VGLL4: variants seen among roughly 807,000 people sequenced by gnomAD.
VGLL4 encodes vestigial like family member 4, also known as transcription cofactor vestigial-like protein 4.
VGLL4 carries 7 observed loss-of-function variants against 21.0 expected under a neutral mutation model. The observed-to-expected ratio is 0.33, with a 90% CI of 0.19 to 0.63. VGLL4 has a LOEUF of 0.63. Ranked by LOEUF, VGLL4 falls within the 20% of genes least tolerant of loss-of-function variation. The pLI, the probability that VGLL4 is intolerant of heterozygous loss-of-function variation, is 0.78. For missense variants in VGLL4, 394 were observed against 425.7 expected (o/e 0.93, Z 0.66); for synonymous variants, 222 against 173.2 (o/e 1.28, Z -2.21).
chr3:11,624,038 G>A (rs1023804598), intron 1 of VGLL4, among the ~76,000 whole-genome samples: 1 of 152,010 alleles, frequency 6.6e-6, no homozygotes, highest in African/African-American at 2.4e-5. Flanking sequence ...CACAGCACCG[G>A]GGCAAATTTT....
At chr3:11,581,476 C>G (rs1480835714) in intron 2 of VGLL4, among the ~76,000 whole-genome samples, 1 of 152,190 alleles carries the variant, frequency 6.6e-6, no homozygotes, top group East Asian at 1.9e-4. Context: ...ACCCGGCCCT[C>G]AAGCAGTCAC....
intron 1 of VGLL4, among the ~76,000 whole-genome samples, chr3:11,628,815 GT>G (rs771711624): frequency 1.1e-4 from 16 of 152,270 alleles, no homozygotes; most frequent in Middle Eastern, 3.4e-3. Flanking sequence ...GCGAGACTCT[GT>G]CTCAAACAAA....
At position 11,643,743 on chromosome 3, in the gene VGLL4, A is replaced by T; in HGVS notation, c.-225T>A. The T allele has an allele frequency of 7.5e-7, 1 of 1,326,060 alleles. No individual in the cohort carries two copies. Among genetic ancestry groups the T allele is most frequent in the African/African-American group, 1.5e-5 (1 of 66,960 alleles). The allele number at this position is 1,326,060 out of a possible 1,614,324, so 82.1% of individuals were successfully genotyped here. Reference sequence around the variant, plus strand: ...TCAAGGGCTTACTGGTAGACGGTGTATGTACTGTATCCCCGATCGAGTATG... The same window carrying T: ...TCAAGGGCTTACTGGTAGACGGTGTTTGTACTGTATCCCCGATCGAGTATG... On this transcript the variant is annotated 5_prime_UTR_variant, in exon 1 of 5. Transcript: ENST00000430365.
intron 2 of VGLL4, among the ~76,000 whole-genome samples, chr3:11,662,842 G>A (rs986563902): frequency 6.6e-6 from 1 of 152,172 alleles, no homozygotes; most frequent in Admixed American, 6.5e-5. Context: ...ATGAAAAGCA[G>A]GAGAAGGCTA....
chr3:11,638,856 G>C (rs1011351985), intron 1 of VGLL4, among the ~76,000 whole-genome samples: 1 of 152,156 alleles, frequency 6.6e-6, no homozygotes, highest in Admixed American at 6.5e-5. Flanking sequence ...AAAGATCACA[G>C]GGTCTCACTG....
chr3:11,721,193 C>A (rs1006957415), upstream of VGLL4: 1 of 151,872 alleles, frequency 6.6e-6, no homozygotes, highest in Non-Finnish European at 1.5e-5. Flanking sequence ...AGCTTACATT[C>A]GTGCTGGAAA....
chr3:11,692,456 T>C (rs552839029), intron 2 of VGLL4, among the ~76,000 whole-genome samples: 2 of 152,246 alleles, frequency 1.3e-5, no homozygotes, highest in East Asian at 3.9e-4. Flanking sequence ...TACTGGGAGA[T>C]GGTATTTTTT....
chr3:11,585,947 A>AG (rs771909425), intron 2 of VGLL4, among the ~76,000 whole-genome samples: 1 of 152,098 alleles, frequency 6.6e-6, no homozygotes, highest in Non-Finnish European at 1.5e-5. Flanking sequence ...TGTTTCAAAG[A>AG]GAGGCCCTGA....
In VGLL4 at chr3:11,643,854, C is replaced by T. The variant is rs990964473; in HGVS notation, c.-336G>A. The T allele has an allele frequency of 1.4e-5, 14 of 1,034,110 alleles. No homozygotes were observed. The African/African-American group carries it at 2.1e-4, about 15-fold the overall frequency. 64.1% of individuals were successfully genotyped at this position (1,034,110 alleles called of 1,614,324 possible). On this transcript the variant is annotated 5_prime_UTR_variant, in exon 1 of 5. Coordinates refer to ENST00000430365, the MANE Select transcript of VGLL4 (RefSeq NM_001128219.3). ...GAAACGCGCAGCCCGTTTCCTAGGA[C>T]AAAGCGGCGCCGGCCCCTCTCACAG...
chr3:11,713,241 T>C (rs1271582237), intron 1 of VGLL4, among the ~76,000 whole-genome samples: 1 of 152,212 alleles, frequency 6.6e-6, no homozygotes, highest in Non-Finnish European at 1.5e-5. Flanking sequence ...TTAAATTGTA[T>C]GTTACCTTTC....
rs558503431 is a variant in VGLL4, at chr3:11,653,671, A to G, written c.64+49300T>C. Reference sequence around the variant, plus strand: ...TCAGAAGCAGATACGCAGAAAGTGTATGTTCAGCTTAAGTAAATATTGCCA... The same window carrying G: ...TCAGAAGCAGATACGCAGAAAGTGTGTGTTCAGCTTAAGTAAATATTGCCA... On this transcript the variant is annotated intron_variant, in intron 2 of 5. Coordinates refer to the VGLL4 transcript ENST00000273038. This position sits in a 1 kb window ranked among gnomAD's most constrained non-coding sequence, Gnocchi z 4.2. Among the ~76,000 whole-genome samples, 19 of 152,316 alleles carry G rather than the reference A, an allele frequency of 1.2e-4. No homozygotes were observed. The highest frequency in any genetic ancestry group is 4.3e-4 in the African/African-American group (18 of 41,586).
At chr3:11,658,550 T>G (rs1275723445) in intron 2 of VGLL4, among the ~76,000 whole-genome samples, 1 of 150,782 alleles carries the variant, frequency 6.6e-6, no homozygotes, top group African/African-American at 2.5e-5. Context: ...GTTTGCTGTT[T>G]TAATATCATG....
At chr3:11,712,291 C>T (rs1176750659) in intron 1 of VGLL4, among the ~76,000 whole-genome samples, 1 of 152,174 alleles carries the variant, frequency 6.6e-6, no homozygotes, top group African/African-American at 2.4e-5. Flanking sequence ...TTTACCCTCT[C>T]CAGGCCCTAG....
intron 2 of VGLL4, among the ~76,000 whole-genome samples, chr3:11,585,728 G>C (rs2074347090): frequency 6.6e-6 from 1 of 152,202 alleles, no homozygotes; most frequent in African/African-American, 2.4e-5. Context: ...GCAGGCATGA[G>C]GTGTTTAATT....
chr3:11,707,192 G>C (rs1038224280), intron 1 of VGLL4, among the ~76,000 whole-genome samples: 2 of 151,802 alleles, frequency 1.3e-5, no homozygotes, highest in Non-Finnish European at 1.5e-5. Flanking sequence ...GCTGGAAGTG[G>C]TGGCATGGGC....
chr3:11,662,966 GAAATA>G (rs1468429690), intron 2 of VGLL4, among the ~76,000 whole-genome samples: 1 of 152,182 alleles, frequency 6.6e-6, no homozygotes, highest in African/African-American at 2.4e-5. Flanking sequence ...CATAAACTAG[GAAATA>G]AAATTATTTT....
At position 11,719,193 on chromosome 3, in the gene VGLL4, G is replaced by GGCCTCCTCGCCCGCCCCGA. The variant is rs1182558360; in HGVS notation, c.-14+1182_-14+1200dup. Reference sequence around the variant, plus strand: ...CGGGGACCGCGGGGTGCCAGGCGCGGGCCTCCTCGCCCGCCCCGAGCCTCC... The same window carrying GGCCTCCTCGCCCGCCCCGA: ...CGGGGACCGCGGGGTGCCAGGCGCGGGCCTCCTCGCCCGCCCCGAGCCTCCTCGCCCGCCCCGAGCCTCC... On this transcript the variant is annotated intron_variant, in intron 1 of 5. Coordinates refer to the VGLL4 transcript ENST00000273038. The surrounding 1 kb of genome is among the most constrained non-coding windows in gnomAD (Gnocchi z 4.0). Among the ~76,000 whole-genome samples, 4 of 151,940 alleles carry GGCCTCCTCGCCCGCCCCGA rather than the reference G, an allele frequency of 2.6e-5. No individual in the cohort carries two copies. The highest frequency in any genetic ancestry group is 4.8e-5 in the African/African-American group (2 of 41,414).
intron 2 of VGLL4, among the ~76,000 whole-genome samples, chr3:11,672,918 T>C (rs939643082): frequency 6.6e-6 from 1 of 152,122 alleles, no homozygotes; most frequent in African/African-American, 2.4e-5. Context: ...CTCTCTATCA[T>C]ATTTGAAAAA....
upstream of VGLL4, among the ~76,000 whole-genome samples, chr3:11,644,845 C>CAAAAA (rs11293808): frequency 2.8e-4 from 20 of 70,350 alleles, no homozygotes; most frequent in Admixed American, 5.9e-4. Context: ...GACTTTGTCT[C>CAAAAA]AAAAAAAAAA....
Sources: allele counts gnomAD v4.1 joint callset (sites outside exome capture counted in the v4.1 genomes callset), GRCh38; gene constraint gnomAD v4.1.1; non-coding constraint Gnocchi (gnomAD v3.1); transcripts MANE v1.5; gene names NCBI Gene and HGNC (gene_info 2026-07-23, HGNC 2026-07-21).